Variants in FGF8 observed in about 807,000 individuals in gnomAD.
The protein encoded by FGF8 is fibroblast growth factor 8.
A neutral mutation model predicts 29.7 loss-of-function variants in FGF8; 12 were observed. The ratio of observed to expected loss-of-function variants is 0.40; its 90% CI spans 0.26 to 0.65. FGF8 has a LOEUF of 0.65. Ranked by LOEUF, FGF8 falls within the 30% of genes least tolerant of loss-of-function variation. FGF8 has a pLI of 0.37. For synonymous variants in FGF8, 157 were observed against 144.4 expected (o/e 1.09, Z -0.63); for missense variants, 271 against 345.1 (o/e 0.79, Z 1.70).
chr10:101,778,391 G>A (rs953682015), upstream of FGF8, among the ~76,000 whole-genome samples: 8 of 152,220 alleles, frequency 5.3e-5, no homozygotes, highest in Admixed American at 5.2e-4. Flanking sequence ...TGGAATGGGG[G>A]TAGGGGCAGA....
rs2065064758 is a variant in FGF8 at position 101,774,601 on chromosome 10, A to C, written c.337+131T>G. The C allele has an allele frequency of 9.4e-6, 7 of 741,600 alleles. No individual in the cohort carries two copies. The South Asian group carries it at 1.2e-4, about 13-fold the overall frequency. The allele number at this position is 741,600 out of a possible 1,614,324, so 45.9% of individuals were successfully genotyped here. A position where few individuals can be genotyped will look rare whatever the true frequency, so the allele number is the denominator to read the frequency against. The stretch of plus-strand genomic sequence containing the variant: ...TCCCTAGCCCTCTCTTCCCCAGCTG[A>C]CCCTCAAGACACCTTTCTGCCTTAA... On this transcript the variant is annotated intron_variant, in intron 4 of 5. Transcript: ENST00000320185.
At chr10:101,776,853 ACC>A (rs2065101474), upstream of FGF8, among the ~76,000 whole-genome samples, 1 of 46,776 alleles carries the variant, frequency 2.1e-5, no homozygotes, top group South Asian at 6.7e-4. Context: ...TGTGCCCCTC[ACC>A]ACACACACAC....
chr10:101,776,167 A>G (rs1363240068), upstream of FGF8: 1 of 57,770 alleles, frequency 1.7e-5, no homozygotes, highest in Non-Finnish European at 3.5e-5. Context: ...GTGGGTGGGG[A>G]GGTGGGAGGG....
chr10:101,774,487 G>C (rs1047587264), intron 4 of FGF8, among the ~76,000 whole-genome samples: 1 of 152,166 alleles, frequency 6.6e-6, no homozygotes, highest in African/African-American at 2.4e-5. Context: ...AGTGTATGAA[G>C]GGGGGAGGTG....
At chr10:101,776,790 G>A (rs2065100230), upstream of FGF8, among the ~76,000 whole-genome samples, 1 of 151,852 alleles carries the variant, frequency 6.6e-6, no homozygotes, top group South Asian at 2.1e-4. Context: ...GGCCCTGGGA[G>A]CCAGAAATGC....
upstream of FGF8, among the ~76,000 whole-genome samples, chr10:101,779,418 G>T (rs1263429332): frequency 6.6e-6 from 1 of 152,264 alleles, no homozygotes; most frequent in Non-Finnish European, 1.5e-5. The surrounding 1 kb of genome is among the most constrained non-coding windows in gnomAD (Gnocchi z 5.7). Context: ...TGAGCCGGCA[G>T]CGCTCCTACT....
Position 101,775,138 on chromosome 10 carries a change from A to C in FGF8, c.148T>G (p.Ser50Ala), listed in dbSNP as rs2065072150. 4.5e-6 allele frequency: 7 copies of C among 1,548,472 alleles called. No individual in the cohort carries two copies. In the South Asian group the frequency reaches 7.1e-5, roughly 16 times the overall value. ...FRAGREPQGVSQQVTVQSSPN... is the reference protein window; with the variant it reads ...FRAGREPQGVAQQVTVQSSPN... ...GGAGAAGCTGGACCCACCTGTTGGG[A>C]GACACCCTGGGGCTCCCGGCCAGCC... The change falls in exon 3 of 6, where the codon TCC becomes GCC. Residue 50 changes from serine to alanine, a missense_variant. Coordinates refer to ENST00000320185, the MANE Select transcript of FGF8 (RefSeq NM_033163.5). This position sits in a 1 kb window ranked among gnomAD's most constrained non-coding sequence, Gnocchi z 4.6.
chr10:101,770,775 C>T (rs2065013077), intron 5 of FGF8, among the ~76,000 whole-genome samples, 156 bp from the exon 6 acceptor site: 1 of 152,238 alleles, frequency 6.6e-6, no homozygotes, highest in African/African-American at 2.4e-5. Flanking sequence ...TCTAATCCCT[C>T]ACAACTCGCA....
upstream of FGF8, among the ~76,000 whole-genome samples, chr10:101,776,726 C>T (rs1260353485): frequency 6.6e-6 from 1 of 152,108 alleles, no homozygotes; most frequent in African/African-American, 2.4e-5. Context: ...TCCCCTGTTT[C>T]GGCCGCGTGC....
At chr10:101,773,148 T>C (rs1157295454) in intron 4 of FGF8, among the ~76,000 whole-genome samples, 1 of 152,160 alleles carries the variant, frequency 6.6e-6, no homozygotes, top group African/African-American at 2.4e-5. Context: ...TATCCTGCTG[T>C]GGGGCAGGGA....
At chr10:101,774,570 G>T (rs1426567660) in intron 4 of FGF8, among the ~76,000 whole-genome samples, 162 bp downstream of exon 4, 1 of 152,130 alleles carries the variant, frequency 6.6e-6, no homozygotes, top group African/African-American at 2.4e-5. Context: ...ACTCCCCGAG[G>T]CCCCTTCCCT....
rs2065073480 is a variant in FGF8 at position 101,775,217 on chromosome 10, C to T, written c.70-1G>A. ...GCGCAGGGCCCCTGCCCGGGCCTTC[C>T]TAGAGGAGCAGGGCGCTTTTAAGTA... On this transcript the variant is annotated splice_acceptor_variant, in intron 2 of 5. Coordinates refer to ENST00000320185, the MANE Select transcript of FGF8 (RefSeq NM_033163.5). LOFTEE classifies it high-confidence loss of function. The surrounding 1 kb of genome is among the most constrained non-coding windows in gnomAD (Gnocchi z 4.6). 2 of 1,539,612 alleles carry T rather than the reference C, an allele frequency of 1.3e-6. No individual in the cohort carries two copies. Among genetic ancestry groups the T allele is most frequent in the Non-Finnish European group, 1.8e-6 (2 of 1,139,146 alleles).
In FGF8 at chr10:101,770,192, C is replaced by A; in HGVS notation, c.*137G>T. The A allele has an allele frequency of 2.2e-5, 13 of 593,608 alleles. No individual in the cohort carries two copies. The highest frequency in any genetic ancestry group is 2.7e-5 in the Non-Finnish European group (10 of 376,584). 36.8% of individuals were successfully genotyped at this position (593,608 alleles called of 1,614,324 possible). ...GCAAAAACCCAACAGCAAACAATAT[C>A]AACAACCGGAACCCAGGGCTCCCCC... is the stretch of plus-strand genomic sequence containing the variant. On this transcript the variant is annotated 3_prime_UTR_variant, in exon 6 of 6. Transcript: ENST00000320185.
At chr10:101,773,170 G>A (rs1251453260) in intron 4 of FGF8, among the ~76,000 whole-genome samples, 3 of 152,154 alleles carry the variant, frequency 2.0e-5, no homozygotes, top group African/African-American at 4.8e-5. Context: ...TAGGGAAGGC[G>A]GGAAACCTCT....
Position 101,775,111 on chromosome 10 carries a change from A to G in FGF8, c.156+19T>C. 6.5e-7 allele frequency: 1 copy of G among 1,544,878 alleles called. No individual in the cohort carries two copies. The highest frequency in any genetic ancestry group is 8.7e-7 in the Non-Finnish European group (1 of 1,143,710). Reference sequence around the variant, plus strand: ...ACCCAGCCCAGGATGAACGAGCCCCAGGGAGAAGCTGGACCCACCTGTTGG... The same window carrying G: ...ACCCAGCCCAGGATGAACGAGCCCCGGGGAGAAGCTGGACCCACCTGTTGG... On this transcript the variant is annotated intron_variant, in intron 3 of 5. Coordinates refer to ENST00000320185, the MANE Select transcript of FGF8 (RefSeq NM_033163.5). This position sits in a 1 kb window ranked among gnomAD's most constrained non-coding sequence, Gnocchi z 4.6.
upstream of FGF8, among the ~76,000 whole-genome samples, chr10:101,776,250 C>A (rs1432387878): frequency 8.1e-6 from 1 of 123,100 alleles, no homozygotes; most frequent in Non-Finnish European, 1.7e-5. Flanking sequence ...CGGGAGCCCG[C>A]AGCCCCCGGC....
In FGF8 at chr10:101,775,814, G is replaced by A; in HGVS notation, c.33-38C>T. The A allele has an allele frequency of 1.3e-6, 2 of 1,535,648 alleles. No homozygotes were observed. The highest frequency in any genetic ancestry group is 1.8e-6 in the Non-Finnish European group (2 of 1,142,844). On this transcript the variant is annotated intron_variant, in intron 1 of 5. Coordinates refer to ENST00000320185, the MANE Select transcript of FGF8 (RefSeq NM_033163.5). This position sits in a 1 kb window ranked among gnomAD's most constrained non-coding sequence, Gnocchi z 4.6. ...AAAGCGGGCGGGAGAGAGAGGCGCG[G>A]GTGAGGCGAGGGGCGCGGGGGGCGG...
intron 4 of FGF8, among the ~76,000 whole-genome samples, chr10:101,773,414 C>T (rs2065048720): frequency 6.6e-6 from 1 of 152,152 alleles, no homozygotes; most frequent in Non-Finnish European, 1.5e-5. Flanking sequence ...GCTCTGCCAG[C>T]CCAGTAGGGG....
chr10:101,770,127 C>G lies in FGF8; in HGVS notation c.*202G>C. On this transcript the variant is annotated 3_prime_UTR_variant, in exon 6 of 6. Coordinates refer to ENST00000320185, the MANE Select transcript of FGF8 (RefSeq NM_033163.5). ...AGCCAAGTGGAATACAAAAATAGAGCCTCTCTTTTGTTTTAAAAAAAAAAA... is the reference window on the plus strand; with the variant it reads ...AGCCAAGTGGAATACAAAAATAGAGGCTCTCTTTTGTTTTAAAAAAAAAAA... 1.9e-6 allele frequency: 1 copy of G among 530,118 alleles called. No individual in the cohort carries two copies. Among genetic ancestry groups the G allele is most frequent in the Non-Finnish European group, 3.3e-6 (1 of 306,894 alleles). 32.8% of individuals were successfully genotyped at this position (530,118 alleles called of 1,614,324 possible). A position where few individuals can be genotyped will look rare whatever the true frequency, so the allele number is the denominator to read the frequency against.
Sources: allele counts gnomAD v4.1 joint callset (sites outside exome capture counted in the v4.1 genomes callset), GRCh38; gene constraint gnomAD v4.1.1; non-coding constraint Gnocchi (gnomAD v3.1); transcripts MANE v1.5; gene names NCBI Gene and HGNC (gene_info 2026-07-23, HGNC 2026-07-21).